Variants in TMPRSS6 observed in about 807,000 individuals in gnomAD.
TMPRSS6 encodes the protein transmembrane protease serine 6.
A neutral mutation model predicts 101.5 loss-of-function variants in TMPRSS6; 67 were observed. The observed-to-expected ratio is 0.66, with a 90% CI of 0.54 to 0.81. The LOEUF (loss-of-function observed/expected upper bound fraction) is 0.81. Ranked by LOEUF, TMPRSS6 falls within the 30% of genes least tolerant of loss-of-function variation. The pLI, the probability that TMPRSS6 is intolerant of heterozygous loss-of-function variation, is 0.00. For missense variants in TMPRSS6, 1,034 were observed against 1,088.7 expected, an observed-to-expected ratio of 0.95 and a Z score of 0.71; for synonymous variants, 453 against 464.9, an observed-to-expected ratio of 0.97 and a Z score of 0.33.
intron 1 of TMPRSS6, among the ~76,000 whole-genome samples, chr22:37,108,028 G>A (rs1393724571): frequency 1.3e-5 from 2 of 152,204 alleles, no homozygotes; most frequent in African/African-American, 4.8e-5. Flanking sequence ...CCAAGGTGCT[G>A]TGTGCATATG....
In TMPRSS6 at chr22:37,088,918, C is replaced by T. The variant is rs966978637; in HGVS notation, c.836+660G>A. Among the ~76,000 whole-genome samples the T allele has an allele frequency of 2.0e-5, 3 of 152,232 alleles. No individual in the cohort carries two copies. The East Asian group carries it at 5.8e-4, about 29-fold the overall frequency. On this transcript the variant is annotated intron_variant, in intron 7 of 17. Transcript: ENST00000676104. The stretch of plus-strand genomic sequence containing the variant: ...AGGTTCTAAGAGGCAAAGTAACTTG[C>T]CTTAGGGCACGCAGCTAGGAGACAG...
intron 6 of TMPRSS6, among the ~76,000 whole-genome samples, 165 bp from the exon 7 acceptor site, chr22:37,089,947 A>G (rs1005257624): frequency 2.6e-5 from 4 of 152,244 alleles, no homozygotes; most frequent in African/African-American, 4.8e-5. Context: ...TTTCCCTGTC[A>G]GTATCCTCAT....
At chr22:37,088,324 C>G (rs1928949125) in intron 7 of TMPRSS6, among the ~76,000 whole-genome samples, 1 of 152,118 alleles carries the variant, frequency 6.6e-6, no homozygotes, top group African/African-American at 2.4e-5. Flanking sequence ...AGGGGTGTGG[C>G]AAGAACCTCT....
At chr22:37,072,358 T>TGATGGATGGGTGCATG (rs1601522540) in intron 13 of TMPRSS6, among the ~76,000 whole-genome samples, 1 of 131,578 alleles carries the variant, frequency 7.6e-6, no homozygotes, top group East Asian at 2.5e-4. Context: ...GATGGATGGA[T>TGATGGATGGGTGCATG]GATGGATGGG....
intron 13 of TMPRSS6, among the ~76,000 whole-genome samples, chr22:37,072,480 TGG>T (rs1927120289): frequency 1.1e-5 from 1 of 88,196 alleles, no homozygotes. Context: ...GATGGATGGA[TGG>T]ATGATGGATG....
chr22:37,085,150 C>T (rs1309197176), intron 8 of TMPRSS6, among the ~76,000 whole-genome samples: 2 of 152,228 alleles, frequency 1.3e-5, no homozygotes, highest in Non-Finnish European at 2.9e-5. Context: ...AATGCATTCA[C>T]ACCTGCACAG....
At position 37,074,699 on chromosome 22, in the gene TMPRSS6, C is replaced by G. The variant is rs768818027; in HGVS notation, c.1352G>C (p.Gly451Ala). The G allele has an allele frequency of 4.3e-6, 7 of 1,614,148 alleles. No homozygotes were observed. The South Asian group carries it at 6.6e-5, about 15-fold the overall frequency. The change falls in exon 12 of 18, where the codon GGA becomes GCA. Residue 451 changes from glycine (G) to alanine (A), a missense_variant. Coordinates refer to ENST00000676104, the MANE Select transcript of TMPRSS6 (RefSeq NM_001374504.1). Reference sequence around the variant, plus strand: ...TCCATTCACAGAACAGAGGAACTCTCCAGGGCAGGCTGCAAAACCACAGGG... The same window carrying G: ...TCCATTCACAGAACAGAGGAACTCTGCAGGGCAGGCTGCAAAACCACAGGG... ...GLYNQSDPCP[G>A]EFLCSVNGLC... is the part of the protein sequence containing the mutation.
At chr22:37,077,419 C>G (rs1569004241) in intron 10 of TMPRSS6, among the ~76,000 whole-genome samples, 1 of 152,256 alleles carries the variant, frequency 6.6e-6, no homozygotes, top group Non-Finnish European at 1.5e-5. Context: ...TGACCACGAT[C>G]TTACCCTTAC....
In TMPRSS6 at chr22:37,086,488, C is replaced by A. The variant is rs1179860996; in HGVS notation, c.837-69G>T. 2.3e-6 allele frequency: 3 copies of A among 1,290,230 alleles called. No homozygotes were observed. The African/African-American group carries it at 4.4e-5, about 19-fold the overall frequency. 79.9% of individuals were successfully genotyped at this position (1,290,230 alleles called of 1,614,324 possible). On this transcript the variant is annotated intron_variant, in intron 7 of 17. Coordinates refer to ENST00000676104, the MANE Select transcript of TMPRSS6 (RefSeq NM_001374504.1). ...GGGGAGTGGCAGGGAGGGCGGCAGG[C>A]GGCTGCTGGGGGAGGGTGGACGGGA...
chr22:37,097,171 T>C (rs1229036785), intron 3 of TMPRSS6, among the ~76,000 whole-genome samples: 4 of 152,214 alleles, frequency 2.6e-5, no homozygotes, highest in Non-Finnish European at 5.9e-5. Context: ...TTATCTCAAC[T>C]TCACTGCAAC....
chr22:37,068,969 G>T (rs949058965), intron 16 of TMPRSS6, 104 bp downstream of exon 16: 2 of 1,487,318 alleles, frequency 1.3e-6, no homozygotes, highest in Non-Finnish European at 1.8e-6. Flanking sequence ...GGCCTATGGG[G>T]TGGAGCCCCG....
chr22:37,086,292 C>T lies in TMPRSS6; in HGVS notation c.964G>A (p.Val322Ile). Reference protein sequence around the residue: ...DPFVLSVQPVVFQACEVNLTL... With the variant: ...DPFVLSVQPVIFQACEVNLTL... ...ACCCCTGACCTCTCACCCTGGAAGA[C>T]CACCGGCTGCACGGAGAGCACGAAG... Residue 322 changes from valine (V) to isoleucine (I), a missense_variant, in exon 8 of 18, where the codon GTC becomes ATC. Transcript: ENST00000676104. The T allele has an allele frequency of 6.2e-7, 1 of 1,614,146 alleles. No homozygotes were observed. The highest frequency in any genetic ancestry group is 1.1e-5 in the South Asian group (1 of 91,086).
In TMPRSS6 at chr22:37,065,627, G is replaced by A; in HGVS notation, c.*453C>T. ...GCTCTGAGGGTCCCCTCCGATGGGA[G>A]CACCTTCCATTCCCAGATCCCAAGT... On this transcript the variant is annotated 3_prime_UTR_variant, in exon 18 of 18. Transcript: ENST00000676104. The A allele has an allele frequency of 5.4e-6, 1 of 185,600 alleles. No homozygotes were observed. The highest frequency in any genetic ancestry group is 1.1e-5 in the Non-Finnish European group (1 of 87,302). The allele number at this position is 185,600 out of a possible 1,614,324, so 11.5% of individuals were successfully genotyped here. A position where few individuals can be genotyped will look rare whatever the true frequency, so the allele number is the denominator to read the frequency against.
chr22:37,106,770 T>C (rs1240613141), intron 1 of TMPRSS6, among the ~76,000 whole-genome samples: 1 of 152,166 alleles, frequency 6.6e-6, no homozygotes, highest in Admixed American at 6.5e-5. Context: ...TCCACCCTCC[T>C]CGTGGCTATA....
intron 2 of TMPRSS6, among the ~76,000 whole-genome samples, chr22:37,102,207 C>T (rs1368054618): frequency 3.3e-5 from 5 of 152,254 alleles, no homozygotes; most frequent in East Asian, 1.9e-4. Context: ...CTTCTGATCA[C>T]GCAGGCATCT....
At chr22:37,072,584 ATGGATGGATGAT>A (rs1252920016) in intron 13 of TMPRSS6, among the ~76,000 whole-genome samples, 4 of 114,754 alleles carry the variant, frequency 3.5e-5, no homozygotes, top group Non-Finnish European at 4.0e-5. Context: ...TGGATGATGG[ATGGATGGATGAT>A]GGATGGATGG....
rs780968101 is a variant in TMPRSS6 at position 37,087,593 on chromosome 22, A to AC, written c.837-1175dup. On this transcript the variant is annotated intron_variant, in intron 7 of 17. Coordinates refer to ENST00000676104, the MANE Select transcript of TMPRSS6 (RefSeq NM_001374504.1). ...TCCAGTAGCAGGCACCACCCCCCTCACCCCCCAGGCCCTCGTCCCTTCTTC... is the reference window on the plus strand; with the variant it reads ...TCCAGTAGCAGGCACCACCCCCCTCACCCCCCCAGGCCCTCGTCCCTTCTTC... Among the ~76,000 whole-genome samples the AC allele has an allele frequency of 1.9e-3, 287 of 151,184 alleles. 1 individual carries two copies. The highest frequency in any genetic ancestry group is 3.6e-3 in the Admixed American group (54 of 15,210).
intron 13 of TMPRSS6, 131 bp downstream of exon 13, chr22:37,073,401 C>T: frequency 1.3e-5 from 8 of 627,622 alleles, no homozygotes; most frequent in Non-Finnish European, 2.3e-5. Context: ...GATGAATGGA[C>T]AGACATACAG....
chr22:37,076,014 A>AG (rs1927630999), intron 10 of TMPRSS6, among the ~76,000 whole-genome samples: 2 of 150,890 alleles, frequency 1.3e-5, no homozygotes, highest in Non-Finnish European at 2.9e-5. Flanking sequence ...AAAGAAAGAA[A>AG]GAAGAAAGAG....
Sources: allele counts gnomAD v4.1 joint callset (sites outside exome capture counted in the v4.1 genomes callset), GRCh38; gene constraint gnomAD v4.1.1; transcripts MANE v1.5; gene names NCBI Gene and HGNC (gene_info 2026-07-23, HGNC 2026-07-21).